Variants in TRPC5 observed in about 807,000 individuals in gnomAD.
The protein encoded by TRPC5 is transient receptor potential cation channel subfamily C member 5, also known as short transient receptor potential channel 5.
Under a neutral mutation model 56.5 loss-of-function variants are expected in TRPC5, and 9 were observed. The observed-to-expected ratio is 0.16, with a 90% CI of 0.10 to 0.28. The LOEUF is 0.28. TRPC5 is among the 10% of genes least tolerant of loss of function. The pLI, the probability that TRPC5 is intolerant of heterozygous loss-of-function variation, is 1.00. For synonymous variants in TRPC5, 282 were observed against 278.5 expected (o/e 1.01, Z -0.13); for missense variants, 469 against 748.9 (o/e 0.63, Z 4.36).
chrX:112,015,510 T>C (rs1308491856), intron 1 of TRPC5, among the ~76,000 whole-genome samples: 3 of 111,464 alleles, frequency 2.7e-5, no homozygotes, highest in African/African-American at 9.8e-5. Flanking sequence ...TGGGCCACCA[T>C]GTTTGGCCAG....
At chrX:111,915,795 G>A (rs2239000) in intron 2 of TRPC5, among the ~76,000 whole-genome samples, 31,453 of 109,802 alleles carry the variant, frequency 0.29, 6,063 homozygotes, top group African/African-American at 0.7. Context: ...TAAATTTCCT[G>A]TTTTCACATT....
rs368796480 is a variant in TRPC5 at position 111,776,900 on chromosome X, G to C, written c.2335C>G (p.Gln779Glu). Residue 779 changes from glutamine (Q) to glutamate (E), a missense_variant, in exon 11 of 11, where the codon CAG becomes GAG. By Grantham distance (29) the Gln-to-Glu change is conservative. Coordinates refer to ENST00000262839, the MANE Select transcript of TRPC5 (RefSeq NM_012471.3). ...CTGCCATCATTATTATCGTCTCTCT[G>C]AGACAGTTCAGTGCTGCTAGTGGAA... ...SFSTSSTELS[Q>E]RDDNNDGSGG... 29 of 1,207,757 alleles carry C rather than the reference G, an allele frequency of 2.4e-5. No homozygotes were observed. Among genetic ancestry groups the C allele is most frequent in the Middle Eastern group, 2.3e-4 (1 of 4,352 alleles).
chrX:111,836,733 A>T (rs1922574553), intron 6 of TRPC5, among the ~76,000 whole-genome samples: 1 of 112,671 alleles, frequency 8.9e-6, no homozygotes, highest in African/African-American at 3.2e-5. Flanking sequence ...CATAGCTGCT[A>T]GGTAGCTGGC....
intron 2 of TRPC5, among the ~76,000 whole-genome samples, chrX:111,933,991 C>T (rs985213399): frequency 2.7e-5 from 3 of 110,842 alleles, no homozygotes; most frequent in Non-Finnish European, 3.8e-5. Flanking sequence ...TGCCTTTTTG[C>T]TATTGAGTTG....
intron 1 of TRPC5, among the ~76,000 whole-genome samples, chrX:112,024,483 G>C (rs1176930778): frequency 8.9e-6 from 1 of 111,883 alleles, no homozygotes; most frequent in Non-Finnish European, 1.9e-5. Flanking sequence ...TCTCAAGCCT[G>C]TGGCTTTTGG....
chrX:111,784,821 G>A (rs1236468051), intron 7 of TRPC5, among the ~76,000 whole-genome samples: 1 of 112,827 alleles, frequency 8.9e-6, no homozygotes, highest in East Asian at 2.8e-4. Flanking sequence ...CTTGCTGCTA[G>A]TGCAGCAGTC....
intron 5 of TRPC5, among the ~76,000 whole-genome samples, chrX:111,849,075 GAT>G (rs1234075775): frequency 3.6e-4 from 40 of 112,295 alleles, no homozygotes; most frequent in African/African-American, 1.3e-3. Context: ...ATATGTGAAA[GAT>G]AGTCTCTTTG....
At position 111,847,384 on chromosome X, in the gene TRPC5, A is replaced by G; in HGVS notation, c.1430T>C (p.Ile477Thr). The change falls in exon 6 of 11, where the codon ATT (isoleucine) becomes ACT (threonine). Residue 477 changes from isoleucine (I) to threonine (T), a missense_variant. Around this residue, in one of 3 missense-constraint regions of TRPC5, gnomAD observed 157 missense variants for 360.0 expected, o/e 0.44. Coordinates refer to ENST00000262839, the MANE Select transcript of TRPC5 (RefSeq NM_012471.3). ...EEWEMWHPTL[I>T]AEALFAISNI... ...GGATATTGCGAAGAGTGCTTCCGCA[A>G]TCAGAGTCGGGTGCCACATTTCCCA... 8.3e-7 allele frequency: 1 copy of G among 1,211,474 alleles called. No individual in the cohort carries two copies. Among genetic ancestry groups the G allele is most frequent in the Non-Finnish European group, 1.1e-6 (1 of 895,444 alleles).
In TRPC5 at chrX:111,980,020, G is replaced by A. The variant is rs146149280; in HGVS notation, c.-21-27579C>T. ...ATATGTCCATACAAAAAAATTGTAC[G>A]TGAATTTTCATAGTGGCTTTATTTT... On this transcript the variant is annotated intron_variant, in intron 1 of 10. Coordinates refer to ENST00000262839, the MANE Select transcript of TRPC5 (RefSeq NM_012471.3). Among the ~76,000 whole-genome samples, 209 of 111,592 alleles carry A rather than the reference G, an allele frequency of 1.9e-3. 1 individual carries two copies. Among genetic ancestry groups the A allele is most frequent in the African/African-American group, 6.5e-3 (199 of 30,823 alleles).
intron 1 of TRPC5, among the ~76,000 whole-genome samples, chrX:112,034,221 G>A (rs1569529895): frequency 9.0e-6 from 1 of 110,714 alleles, no homozygotes; most frequent in Admixed American, 9.6e-5. Flanking sequence ...CTTTTAAGCA[G>A]TATTGAAATC....
At chrX:111,797,046 A>G (rs1409079183) in intron 7 of TRPC5, among the ~76,000 whole-genome samples, 3 of 112,369 alleles carry the variant, frequency 2.7e-5, no homozygotes, top group East Asian at 5.6e-4. Context: ...GTTGGCTTAC[A>G]GTGGTTTTTG....
rs187085924 is a variant in TRPC5 at position 111,967,216 on chromosome X, A to G, written c.-21-14775T>C. Among the ~76,000 whole-genome samples the G allele has an allele frequency of 1.2e-4, 13 of 111,542 alleles. No individual in the cohort carries two copies. The Admixed American group carries it at 1.2e-3, about 11-fold the overall frequency. On this transcript the variant is annotated intron_variant, in intron 1 of 10. Coordinates refer to ENST00000262839, the MANE Select transcript of TRPC5 (RefSeq NM_012471.3). ...AAACAGAGAGCCAAATCATGAGTGA[A>G]CTCCCATTCACAATTGCTACAAAGA... is the stretch of plus-strand genomic sequence containing the variant.
chrX:112,042,174 T>C (rs936469462), intron 1 of TRPC5, among the ~76,000 whole-genome samples: 1 of 111,667 alleles, frequency 9.0e-6, no homozygotes, highest in Non-Finnish European at 1.9e-5. Flanking sequence ...ACATATCTTA[T>C]ATGAAAATTG....
At position 112,054,871 on chromosome X, in the gene TRPC5, C is replaced by T. The variant is rs763300258; in HGVS notation, c.-22+27008G>A. On this transcript the variant is annotated intron_variant, in intron 1 of 10. Coordinates refer to ENST00000262839, the MANE Select transcript of TRPC5 (RefSeq NM_012471.3). ...GTCCTCCCTGGTTCATGTTTTCCTC[C>T]TAACTGCTGTAATGTCTCCTGTAGT... 1.1e-4 allele frequency among the ~76,000 whole-genome samples: 12 copies of T among 111,317 alleles called. 1 individual carries two copies. The highest frequency in any genetic ancestry group is 3.6e-4 in the African/African-American group (11 of 30,632).
At chrX:111,839,141 C>G (rs1330065711) in intron 6 of TRPC5, among the ~76,000 whole-genome samples, 1 of 111,773 alleles carries the variant, frequency 8.9e-6, no homozygotes, top group Non-Finnish European at 1.9e-5. Flanking sequence ...GCTCCTGTCT[C>G]TGGATAGGAT....
At chrX:112,062,686 A>T (rs1303338319) in intron 1 of TRPC5, among the ~76,000 whole-genome samples, 1 of 112,094 alleles carries the variant, frequency 8.9e-6, no homozygotes, top group Non-Finnish European at 1.9e-5. Context: ...AGAGCAGAGG[A>T]TTTATAGAGA....
intron 2 of TRPC5, among the ~76,000 whole-genome samples, chrX:111,941,209 T>G (rs1926768463): frequency 8.9e-6 from 1 of 112,125 alleles, no homozygotes; most frequent in Non-Finnish European, 1.9e-5. Flanking sequence ...GAGGTTATTC[T>G]TCCCAGCCTG....
chrX:112,023,253 T>G (rs910026430), intron 1 of TRPC5, among the ~76,000 whole-genome samples: 14 of 83,803 alleles, frequency 1.7e-4, no homozygotes, highest in African/African-American at 3.1e-4. Context: ...TTTGTTTTTT[T>G]TTTTTTTTTT....
chrX:111,854,537 G>A (rs748826278), intron 3 of TRPC5, among the ~76,000 whole-genome samples: 1 of 110,879 alleles, frequency 9.0e-6, no homozygotes, highest in African/African-American at 3.3e-5. Context: ...AGCCTGGGTA[G>A]CTGTTTTACA....
Sources: gnomAD v4.1 joint callset for allele counts (sites outside exome capture counted in the v4.1 genomes callset) on GRCh38, gnomAD v4.1.1 for gene constraint, gnomAD v4.1.1 regional missense constraint, MANE v1.5 for transcripts, NCBI Gene and HGNC (gene_info 2026-07-23, HGNC 2026-07-21) for gene names.